Variants in VRK2 observed in about 807,000 individuals in gnomAD.
The protein encoded by VRK2 is serine/threonine-protein kinase VRK2.
Under a neutral mutation model 57.6 loss-of-function variants are expected in VRK2, and 60 were observed. The ratio of observed to expected loss-of-function variants is 1.04; its 90% CI spans 0.85 to 1.29. The LOEUF (loss-of-function observed/expected upper bound fraction) is 1.29, where lower values mean the gene tolerates loss of function less well. VRK2 is among the 50% of genes most tolerant of loss of function. VRK2 has a pLI of 0.00. For missense variants in VRK2, 705 were observed against 588.1 expected (o/e 1.20, Z -2.06); for synonymous variants, 231 against 199.2 (o/e 1.16, Z -1.35).
intron 7 of VRK2, among the ~76,000 whole-genome samples, chr2:58,120,179 C>CTTTTATTTTTTTTTT (rs1677207512): frequency 1.1e-5 from 1 of 93,360 alleles, no homozygotes; most frequent in Non-Finnish European, 2.1e-5. Flanking sequence ...ATTTTTTTTT[C>CTTTTATTTTTTTTTT]TTTTCTTTTT....
chr2:58,152,242 A>T (rs1291082535), intron 12 of VRK2, among the ~76,000 whole-genome samples: 1 of 151,886 alleles, frequency 6.6e-6, no homozygotes, highest in Non-Finnish European at 1.5e-5. Context: ...CATCTCAATT[A>T]TAACTAGCCA....
chr2:57,930,368 C>T (rs1670679353), intron 1 of VRK2, among the ~76,000 whole-genome samples: 1 of 152,142 alleles, frequency 6.6e-6, no homozygotes, highest in Non-Finnish European at 1.5e-5. Flanking sequence ...TGCAAAATTC[C>T]ACAATCACTG....
chr2:58,157,343 C>T (rs1684051680), intron 12 of VRK2, among the ~76,000 whole-genome samples: 1 of 152,084 alleles, frequency 6.6e-6, no homozygotes. Context: ...GCACTGTTGA[C>T]ATTTGGGAGC....
chr2:57,962,683 CTA>C (rs1261994063), intron 1 of VRK2, among the ~76,000 whole-genome samples: 3 of 152,094 alleles, frequency 2.0e-5, no homozygotes, highest in African/African-American at 7.2e-5. Flanking sequence ...TTTCCGGTCT[CTA>C]TGTCTGATAT....
chr2:58,041,466 A>C (rs1233404492), intron 3 of VRK2, among the ~76,000 whole-genome samples: 1 of 152,080 alleles, frequency 6.6e-6, no homozygotes, highest in African/African-American at 2.4e-5. Flanking sequence ...CACACAACTG[A>C]CCAGCATTAA....
At chr2:57,988,034 G>C (rs980522080) in intron 1 of VRK2, among the ~76,000 whole-genome samples, 16 of 152,188 alleles carry the variant, frequency 1.1e-4, no homozygotes, top group African/African-American at 3.6e-4. Flanking sequence ...CATGGCATGG[G>C]AAATTTGTGG....
intron 1 of VRK2, among the ~76,000 whole-genome samples, chr2:57,983,868 T>G (rs961543251): frequency 6.6e-6 from 1 of 152,216 alleles, no homozygotes; most frequent in Non-Finnish European, 1.5e-5. Flanking sequence ...CTTTTTTCTT[T>G]GATCAATACT....
chr2:57,945,940 A>C (rs1277450943), intron 1 of VRK2, among the ~76,000 whole-genome samples: 1 of 152,190 alleles, frequency 6.6e-6, no homozygotes, highest in Non-Finnish European at 1.5e-5. Context: ...AGTTCTTAAT[A>C]TATTTAGACC....
intron 1 of VRK2, among the ~76,000 whole-genome samples, chr2:58,014,007 C>A (rs1338507280): frequency 6.6e-6 from 1 of 151,988 alleles, no homozygotes; most frequent in East Asian, 1.9e-4. Context: ...ATAATACTTT[C>A]AGGAGATAAT....
At chr2:58,107,284 T>C (rs970121037) in intron 7 of VRK2, among the ~76,000 whole-genome samples, 3 of 152,134 alleles carry the variant, frequency 2.0e-5, no homozygotes, top group African/African-American at 7.2e-5. Context: ...TTTTCTTTTT[T>C]ATTGATTGAA....
At chr2:57,980,938 C>T (rs891591538) in intron 1 of VRK2, among the ~76,000 whole-genome samples, 3 of 151,976 alleles carry the variant, frequency 2.0e-5, no homozygotes, top group Non-Finnish European at 4.4e-5. Context: ...GCATATGAGA[C>T]ATGACTCTTG....
chr2:57,949,252 T>C (rs546388094), intron 1 of VRK2, among the ~76,000 whole-genome samples: 8 of 152,292 alleles, frequency 5.3e-5, no homozygotes, highest in South Asian at 4.2e-4. Context: ...ATACCCTGTT[T>C]TATTGCACTT....
chr2:57,960,085 G>A (rs1412936497), intron 1 of VRK2, among the ~76,000 whole-genome samples: 1 of 150,402 alleles, frequency 6.6e-6, no homozygotes, highest in African/African-American at 2.5e-5. Context: ...GACGGGGGCT[G>A]GGGGGAGAAA....
chr2:58,039,644 GA>G (rs937050860), intron 3 of VRK2, among the ~76,000 whole-genome samples: 1 of 152,086 alleles, frequency 6.6e-6, no homozygotes, highest in Non-Finnish European at 1.5e-5. Context: ...GATGACTGGA[GA>G]GGGGGAAAAT....
At chr2:58,114,021 T>C (rs1178525446) in intron 7 of VRK2, among the ~76,000 whole-genome samples, 1 of 152,100 alleles carries the variant, frequency 6.6e-6, no homozygotes, top group Non-Finnish European at 1.5e-5. Context: ...GTGGGAGAGA[T>C]TAAGCTGAAG....
intron 1 of VRK2, among the ~76,000 whole-genome samples, chr2:57,930,089 G>A (rs910330980): frequency 6.6e-6 from 1 of 152,110 alleles, no homozygotes; most frequent in Non-Finnish European, 1.5e-5. Flanking sequence ...TAAGTTGTGG[G>A]CCCTGTAGAT....
intron 1 of VRK2, among the ~76,000 whole-genome samples, chr2:57,918,306 GA>G (rs1434616483): frequency 1.3e-5 from 2 of 151,838 alleles, no homozygotes; most frequent in Admixed American, 6.6e-5. Flanking sequence ...AGAAGGAGGA[GA>G]GGGGGAGTGG....
chr2:57,952,328 G>A (rs560174904), intron 1 of VRK2, among the ~76,000 whole-genome samples: 2 of 152,128 alleles, frequency 1.3e-5, no homozygotes, highest in East Asian at 3.9e-4. Flanking sequence ...ATAAGGAAAG[G>A]GAAATGCAAT....
chr2:57,955,705 C>T (rs1671566305), intron 1 of VRK2, among the ~76,000 whole-genome samples: 1 of 152,120 alleles, frequency 6.6e-6, no homozygotes, highest in South Asian at 2.1e-4. Context: ...ACACATTTAC[C>T]TACAGAAAAA....
Sources: allele counts gnomAD v4.1 joint callset (sites outside exome capture counted in the v4.1 genomes callset), GRCh38; gene constraint gnomAD v4.1.1; transcripts MANE v1.5; gene names NCBI Gene and HGNC (gene_info 2026-07-23, HGNC 2026-07-21).